Variants in CAMKK2 observed in about 807,000 individuals in gnomAD.
The protein encoded by CAMKK2 is calcium/calmodulin-dependent protein kinase kinase 2.
Under a neutral mutation model 67.2 loss-of-function variants are expected in CAMKK2, and 30 were observed. That is an observed-to-expected ratio of 0.45 (90% CI 0.33 to 0.61). The LOEUF (loss-of-function observed/expected upper bound fraction) is 0.61. Among genes scored for constraint, CAMKK2 ranks in the 20% least tolerant of loss-of-function variants. The pLI is 0.02. For synonymous variants in CAMKK2, 322 were observed against 326.2 expected (o/e 0.99, Z 0.14); for missense variants, 643 against 802.0 (o/e 0.80, Z 2.39).
intron 1 of CAMKK2, among the ~76,000 whole-genome samples, chr12:121,278,259 T>C (rs888097058): frequency 3.3e-5 from 5 of 152,202 alleles, no homozygotes; most frequent in African/African-American, 9.7e-5. Flanking sequence ...CTCCTTCTCA[T>C]GGTCCTTATG....
At chr12:121,281,220 G>A (rs1337214344) in intron 1 of CAMKK2, among the ~76,000 whole-genome samples, 1 of 152,244 alleles carries the variant, frequency 6.6e-6, no homozygotes, top group African/African-American at 2.4e-5. Flanking sequence ...GGGCCTCCAG[G>A]AAACACATTC....
intron 1 of CAMKK2, among the ~76,000 whole-genome samples, chr12:121,281,545 T>C (rs1403097083): frequency 6.6e-6 from 1 of 152,250 alleles, no homozygotes; most frequent in Admixed American, 6.5e-5. Flanking sequence ...TCATTTGTTC[T>C]TACATGTAGT....
At chr12:121,242,115 C>T (rs2668239) in intron 16 of CAMKK2, among the ~76,000 whole-genome samples, 8,332 of 152,094 alleles carry the variant, frequency 0.055, 247 homozygotes, top group South Asian at 0.12. Context: ...GCAGATCACC[C>T]GAGGTCAGGA....
upstream of CAMKK2, chr12:121,296,876 C>A (rs1901388230): frequency 6.6e-6 from 1 of 151,322 alleles, no homozygotes; most frequent in South Asian, 1.9e-4. This position sits in a 1 kb window ranked among gnomAD's most constrained non-coding sequence, Gnocchi z 7.1. Flanking sequence ...CGCCGCGCAC[C>A]GCCCCCTGCG....
chr12:121,275,846 G>T (rs1896693070), intron 1 of CAMKK2, among the ~76,000 whole-genome samples: 1 of 152,112 alleles, frequency 6.6e-6, no homozygotes, highest in African/African-American at 2.4e-5. Context: ...GCCAACTTAT[G>T]TTACATGAAC....
intron 2 of CAMKK2, among the ~76,000 whole-genome samples, chr12:121,271,281 A>G (rs1895714637): frequency 6.6e-6 from 1 of 151,654 alleles, no homozygotes; most frequent in South Asian, 2.1e-4. Flanking sequence ...CTCAAAAAAA[A>G]AAAAAAAAAA....
rs1217847213 is a variant in CAMKK2 at position 121,285,981 on chromosome 12, GAAGA to G, written c.-60+10653_-60+10656del. ...AACCCTGCCTCAGAATGAAGTCTAA[GAAGA>G]GAGAAGAGAGGTAATGGATGGAAAA... On this transcript the variant is annotated intron_variant, in intron 1 of 16. Coordinates refer to ENST00000404169, the MANE Select transcript of CAMKK2 (RefSeq NM_001270485.2). This position sits in a 1 kb window ranked among gnomAD's most constrained non-coding sequence, Gnocchi z 4.1. Among the ~76,000 whole-genome samples the G allele has an allele frequency of 6.6e-6, 1 of 152,198 alleles. No homozygotes were observed. The highest frequency in any genetic ancestry group is 2.4e-5 in the African/African-American group (1 of 41,452).
At chr12:121,284,056 T>A (rs1009377499) in intron 1 of CAMKK2, among the ~76,000 whole-genome samples, 1 of 152,236 alleles carries the variant, frequency 6.6e-6, no homozygotes, top group African/African-American at 2.4e-5. Context: ...ACAGGCTGCC[T>A]GCCACGGCCC....
intron 4 of CAMKK2, among the ~76,000 whole-genome samples, chr12:121,268,955 A>G (rs1895186246): frequency 6.6e-6 from 1 of 152,150 alleles, no homozygotes; most frequent in African/African-American, 2.4e-5. Flanking sequence ...CTGGGAAACC[A>G]CGAGCCTCAG....
At chr12:121,272,701 TAAAA>T (rs11292057) in intron 2 of CAMKK2, among the ~76,000 whole-genome samples, 9 of 117,486 alleles carry the variant, frequency 7.7e-5, no homozygotes, top group African/African-American at 1.3e-4. Context: ...CATCTCTACT[TAAAA>T]AAAAAAAAAA....
intron 1 of CAMKK2, among the ~76,000 whole-genome samples, chr12:121,287,977 T>C (rs1899103103): frequency 6.6e-6 from 1 of 152,112 alleles, no homozygotes; most frequent in Non-Finnish European, 1.5e-5. Context: ...GTCTCGAAAA[T>C]TTTTAAATTT....
At chr12:121,294,709 A>T (rs1900787731) in intron 1 of CAMKK2, among the ~76,000 whole-genome samples, 1 of 152,212 alleles carries the variant, frequency 6.6e-6, no homozygotes, top group African/African-American at 2.4e-5. Context: ...TCCTAGCAAC[A>T]CTGCAGGATT....
intron 5 of CAMKK2, among the ~76,000 whole-genome samples, chr12:121,266,839 C>T (rs1169407490): frequency 6.6e-6 from 1 of 151,864 alleles, no homozygotes; most frequent in East Asian, 1.9e-4. Flanking sequence ...GACATTTTGC[C>T]CAGCAATGCT....
At chr12:121,255,290 TTATA>T (rs377424483) in intron 9 of CAMKK2, among the ~76,000 whole-genome samples, 1 of 3,808 alleles carries the variant, frequency 2.6e-4, no homozygotes, top group Non-Finnish European at 4.9e-4. Flanking sequence ...ATATATATAA[TTATA>T]TATATAATTT....
In CAMKK2 at chr12:121,245,265, G is replaced by A. The variant is rs1889212061; in HGVS notation, c.1453-25C>T. 2 of 1,475,486 alleles carry A rather than the reference G, an allele frequency of 1.4e-6. No homozygotes were observed. The highest frequency in any genetic ancestry group is 1.2e-5 in the South Asian group (1 of 84,540). The allele number at this position is 1,475,486 out of a possible 1,614,324, so 91.4% of individuals were successfully genotyped here. On this transcript the variant is annotated intron_variant, in intron 14 of 16. Coordinates refer to ENST00000404169, the MANE Select transcript of CAMKK2 (RefSeq NM_001270485.2). This position sits in a 1 kb window ranked among gnomAD's most constrained non-coding sequence, Gnocchi z 5.8. The stretch of plus-strand genomic sequence containing the variant: ...TCTGAAGAGGGAGAAAAGAGGAGGT[G>A]GCAGGCAACTGCTTGGCCATGTGGG...
chr12:121,248,835 G>A, intron 13 of CAMKK2, 101 bp from the exon 14 acceptor site: 1 of 1,420,652 alleles, frequency 7.0e-7, no homozygotes, highest in Non-Finnish European at 9.8e-7. Flanking sequence ...GGAGAGGCAA[G>A]GGCCTGTGGT....
intron 16 of CAMKK2, among the ~76,000 whole-genome samples, chr12:121,241,228 G>A (rs1295307383): frequency 2.0e-5 from 3 of 152,066 alleles, no homozygotes; most frequent in Non-Finnish European, 2.9e-5. Context: ...TAGGTACTTC[G>A]ATCCCCCACT....
At chr12:121,254,219 G>A (rs959639224) in intron 9 of CAMKK2, among the ~76,000 whole-genome samples, 1 of 152,176 alleles carries the variant, frequency 6.6e-6, no homozygotes, top group Non-Finnish European at 1.5e-5. Flanking sequence ...AGCACTTTGG[G>A]AGGCAAGGCA....
intron 5 of CAMKK2, 84 bp from the exon 6 acceptor site, chr12:121,264,023 T>A: frequency 1.5e-6 from 2 of 1,362,516 alleles, no homozygotes; most frequent in Non-Finnish European, 1.9e-6. Flanking sequence ...TGCCAAAAGG[T>A]GGGATGCCAA....
Sources: gnomAD v4.1 joint callset for allele counts (sites outside exome capture counted in the v4.1 genomes callset) on GRCh38, gnomAD v4.1.1 for gene constraint, Gnocchi (gnomAD v3.1) non-coding constraint, MANE v1.5 for transcripts, NCBI Gene and HGNC (gene_info 2026-07-23, HGNC 2026-07-21) for gene names.